Variants in VEPH1 observed in about 807,000 individuals in gnomAD.
VEPH1 encodes the protein ventricular zone-expressed PH domain-containing protein homolog 1.
In VEPH1, 80 loss-of-function variants were observed where a neutral mutation model predicts 85.2. The observed-to-expected ratio is 0.94, with a 90% confidence interval of 0.78 to 1.13. The LOEUF (loss-of-function observed/expected upper bound fraction) is 1.13. Among genes scored for constraint, VEPH1 ranks in the 50% most tolerant of loss-of-function variants. VEPH1 has a pLI of 0.00. For missense variants in VEPH1, 955 were observed against 980.5 expected (o/e 0.97, Z 0.35); for synonymous variants, 297 against 348.0 (o/e 0.85, Z 1.63).
At position 157,260,180 on chromosome 3, in the gene VEPH1, A is replaced by G. The variant is rs928059405; in HGVS notation, c.*954T>C. The G allele has an allele frequency of 2.0e-5, 3 of 152,222 alleles. No homozygotes were observed. The highest frequency in any genetic ancestry group is 1.3e-4 in the Admixed American group (2 of 15,266). 9.4% of individuals were successfully genotyped at this position (152,222 alleles called of 1,614,324 possible). ...TCACTTTTGCCATATTCTGTTGGTT[A>G]GAAGCAGGTTACATGTCCCACCCAC... On this transcript the variant is annotated 3_prime_UTR_variant, in exon 14 of 14. Transcript: ENST00000362010.
chr3:157,403,348 C>T (rs1730910316), intron 6 of VEPH1, among the ~76,000 whole-genome samples: 1 of 152,180 alleles, frequency 6.6e-6, no homozygotes, highest in South Asian at 2.1e-4. Flanking sequence ...TTTAGGAACA[C>T]CCTCTCCCTT....
chr3:157,494,362 G>C (rs1377874832), intron 2 of VEPH1, among the ~76,000 whole-genome samples: 2 of 152,202 alleles, frequency 1.3e-5, no homozygotes, highest in Admixed American at 6.5e-5. Flanking sequence ...ACACTGCTGA[G>C]CTGGGAGGAT....
intron 11 of VEPH1, among the ~76,000 whole-genome samples, chr3:157,288,405 C>T (rs961413061): frequency 6.6e-6 from 1 of 152,186 alleles, no homozygotes; most frequent in Admixed American, 6.5e-5. Context: ...AAGTGGCTAT[C>T]CTGATTGCAT....
chr3:157,289,162 A>G (rs1475105192), intron 11 of VEPH1, among the ~76,000 whole-genome samples: 2 of 152,244 alleles, frequency 1.3e-5, no homozygotes, highest in African/African-American at 4.8e-5. Context: ...GTACTTGGCC[A>G]TTGCCATGCA....
intron 9 of VEPH1, among the ~76,000 whole-genome samples, chr3:157,360,900 AAGT>A (rs1725985326): frequency 1.3e-5 from 2 of 152,218 alleles, no homozygotes; most frequent in Admixed American, 1.3e-4. Context: ...TGTTTTTGAC[AAGT>A]AGAAGTTTGA....
chr3:157,436,006 G>A (rs1733544388), intron 4 of VEPH1, among the ~76,000 whole-genome samples: 1 of 152,128 alleles, frequency 6.6e-6, no homozygotes, highest in South Asian at 2.1e-4. Flanking sequence ...GCCGGGTGAG[G>A]TGGCTCACGT....
At chr3:157,397,328 T>A (rs114164598) in intron 6 of VEPH1, among the ~76,000 whole-genome samples, 1 of 152,202 alleles carries the variant, frequency 6.6e-6, no homozygotes, top group African/African-American at 2.4e-5. Flanking sequence ...GTTTTGTTAC[T>A]GTAGTCTTGT....
chr3:157,362,175 C>T (rs570198444), intron 9 of VEPH1, among the ~76,000 whole-genome samples: 8 of 152,168 alleles, frequency 5.3e-5, no homozygotes, highest in South Asian at 2.1e-4. Context: ...GGATTATAAG[C>T]GTCAGCCACC....
intron 11 of VEPH1, among the ~76,000 whole-genome samples, chr3:157,298,514 A>C (rs1047216009): frequency 6.6e-6 from 1 of 152,168 alleles, no homozygotes; most frequent in African/African-American, 2.4e-5. Context: ...CGCCCCAAGG[A>C]CACTTGCATA....
intron 9 of VEPH1, among the ~76,000 whole-genome samples, chr3:157,326,690 T>C (rs1721942562): frequency 6.6e-6 from 1 of 152,120 alleles, no homozygotes; most frequent in South Asian, 2.1e-4. Flanking sequence ...GACAGAGAAG[T>C]GTAAAGCCAT....
chr3:157,263,852 G>A (rs965853979), intron 13 of VEPH1, among the ~76,000 whole-genome samples: 28 of 152,156 alleles, frequency 1.8e-4, no homozygotes, highest in African/African-American at 6.3e-4. Flanking sequence ...AAGATATAGT[G>A]CATATGGCCG....
chr3:157,375,653 A>T (rs757836180), intron 7 of VEPH1, among the ~76,000 whole-genome samples: 1 of 152,004 alleles, frequency 6.6e-6, no homozygotes, highest in East Asian at 1.9e-4. Context: ...GAGTTACCCT[A>T]TTTTCCCTTC....
chr3:157,263,021 AT>A (rs1312806591), intron 13 of VEPH1, among the ~76,000 whole-genome samples: 1 of 152,202 alleles, frequency 6.6e-6, no homozygotes, highest in Non-Finnish European at 1.5e-5. Context: ...AAAGGACACT[AT>A]TGCCTAGCTA....
chr3:157,376,382 C>T (rs554970880), intron 7 of VEPH1, among the ~76,000 whole-genome samples: 1 of 152,288 alleles, frequency 6.6e-6, no homozygotes, highest in East Asian at 1.9e-4. Flanking sequence ...CCAGAGCTCA[C>T]CCTCTCCCTC....
chr3:157,263,354 G>C (rs539456489), intron 13 of VEPH1, among the ~76,000 whole-genome samples: 5 of 152,044 alleles, frequency 3.3e-5, no homozygotes, highest in Non-Finnish European at 5.9e-5. Context: ...TTATAAAATT[G>C]CTTTTTCTTT....
chr3:157,484,726 C>T (rs1270374693), intron 2 of VEPH1, among the ~76,000 whole-genome samples: 2 of 152,016 alleles, frequency 1.3e-5, no homozygotes, highest in South Asian at 2.1e-4. Flanking sequence ...GGACAGAGTT[C>T]CTGAATAACT....
intron 11 of VEPH1, among the ~76,000 whole-genome samples, chr3:157,305,017 T>C (rs944127736): frequency 4.9e-5 from 7 of 143,108 alleles, no homozygotes; most frequent in Admixed American, 4.3e-4. Context: ...GAAATAGTTG[T>C]CTCTCACTGT....
intron 11 of VEPH1, among the ~76,000 whole-genome samples, chr3:157,292,035 A>G (rs1717535594): frequency 6.6e-6 from 1 of 152,208 alleles, no homozygotes; most frequent in Non-Finnish European, 1.5e-5. Flanking sequence ...TTAATAATTG[A>G]ACAATGATGT....
intron 7 of VEPH1, among the ~76,000 whole-genome samples, chr3:157,377,309 C>T (rs1263745038): frequency 1.3e-5 from 2 of 149,720 alleles, no homozygotes; most frequent in East Asian, 3.9e-4. Flanking sequence ...CCTGCCCTCT[C>T]ACCTCAGAAA....
Sources: allele counts gnomAD v4.1 joint callset (sites outside exome capture counted in the v4.1 genomes callset), GRCh38; gene constraint gnomAD v4.1.1; transcripts MANE v1.5; gene names NCBI Gene and HGNC (gene_info 2026-07-23, HGNC 2026-07-21).